Variants in ARPC1B observed in about 807,000 individuals in gnomAD.
ARPC1B encodes the protein actin-related protein 2/3 complex subunit 1B.
ARPC1B carries 29 observed loss-of-function variants against 46.0 expected under a neutral mutation model. The ratio of observed to expected loss-of-function variants is 0.63; its 90% CI spans 0.47 to 0.86. The LOEUF (loss-of-function observed/expected upper bound fraction) is 0.86, where lower values mean the gene tolerates loss of function less well. Among genes scored for constraint, ARPC1B ranks in the 40% least tolerant of loss-of-function variants. The pLI, the probability that ARPC1B is intolerant of heterozygous loss-of-function variation, is 0.00. For missense variants in ARPC1B, 469 were observed against 529.4 expected (o/e 0.89, Z 1.12); for synonymous variants, 201 against 213.9 (o/e 0.94, Z 0.53).
intron 1 of ARPC1B, among the ~76,000 whole-genome samples, chr7:99,385,453 T>C (rs555139456): frequency 2.4e-4 from 36 of 152,142 alleles, no homozygotes; most frequent in African/African-American, 8.4e-4. Flanking sequence ...CCCTGGAGCC[T>C]CAGAGACATC....
At chr7:99,387,829 G>C (rs930601175) in intron 3 of ARPC1B, among the ~76,000 whole-genome samples, 13 of 151,640 alleles carry the variant, frequency 8.6e-5, no homozygotes, top group African/African-American at 3.2e-4. Context: ...GAACCTGGGA[G>C]GCAGAGGCTG....
At chr7:99,392,942 A>T in intron 8 of ARPC1B, 66 bp downstream of exon 8, 2 of 1,451,448 alleles carry the variant, frequency 1.4e-6, no homozygotes, top group Non-Finnish European at 1.8e-6. Context: ...GCGTCGGGTG[A>T]GGAAGGGGCC....
chr7:99,374,989 G>A lies in ARPC1B; in HGVS notation c.-14+208G>A, dbSNP rs1793990006. Among the ~76,000 whole-genome samples, 1 of 151,144 alleles carries A rather than the reference G, an allele frequency of 6.6e-6. No individual in the cohort carries two copies. Among genetic ancestry groups the A allele is most frequent in the Non-Finnish European group, 1.5e-5 (1 of 67,582 alleles). ...GGCACGGGGATGAGTGGGGGCACAT[G>A]GAGAGGAGGGGGCGCGGGGACGAGG... On this transcript the variant is annotated intron_variant, in intron 1 of 9. Transcript: ENST00000646101. This position sits in a 1 kb window ranked among gnomAD's most constrained non-coding sequence, Gnocchi z 5.0.
Position 99,391,088 on chromosome 7 carries a change from C to A in ARPC1B, c.696C>A (p.Asp232Glu), listed in dbSNP as rs771858187. The A allele has an allele frequency of 6.2e-7, 1 of 1,613,504 alleles. No homozygotes were observed. Among genetic ancestry groups the A allele is most frequent in the Non-Finnish European group, 8.5e-7 (1 of 1,179,702 alleles). The part of the protein sequence containing the change: ...HDSTVCLADA[D>E]KKMAVATLAS... Reference sequence around the variant, plus strand: ...GCACCGTCTGCCTGGCTGATGCCGACAAGAAGATGGCGTGAGTCGAGGCCA... The same window carrying A: ...GCACCGTCTGCCTGGCTGATGCCGAAAAGAAGATGGCGTGAGTCGAGGCCA... Residue 232 changes from aspartate to glutamate, a missense_variant, in exon 6 of 10, where the codon GAC becomes GAA. Coordinates refer to ENST00000646101, the MANE Select transcript of ARPC1B (RefSeq NM_005720.4).
chr7:99,392,711 C>A lies in ARPC1B; in HGVS notation c.824C>A (p.Ala275Asp). The A allele has an allele frequency of 6.5e-7, 1 of 1,546,998 alleles. No homozygotes were observed. Among genetic ancestry groups the A allele is most frequent in the Non-Finnish European group, 8.7e-7 (1 of 1,144,734 alleles). ...CCGGTGCTGTTCACCTATGACGCCG[C>A]CGCGGGGATGCTGAGCTTCGGCGGG... ...CFPVLFTYDA[A>D]AGMLSFGGRL... The change falls in exon 8 of 10, where the codon GCC becomes GAC. Residue 275 changes from alanine to aspartate, a missense_variant. Ala to Asp is a moderately radical substitution (Grantham distance 126). Transcript: ENST00000646101.
chr7:99,384,234 GC>G (rs1416987963), intron 1 of ARPC1B: 1 of 152,476 alleles, frequency 6.6e-6, no homozygotes, highest in East Asian at 1.9e-4. Flanking sequence ...ATGAGTCGCT[GC>G]CCTCTGCCAG....
chr7:99,379,470 C>T (rs1173844936), intron 1 of ARPC1B, among the ~76,000 whole-genome samples: 1 of 152,040 alleles, frequency 6.6e-6, no homozygotes, highest in Non-Finnish European at 1.5e-5. Context: ...TGGGGACTTC[C>T]CAGAGCGCCT....
intron 1 of ARPC1B, 95 bp from the exon 2 acceptor site, chr7:99,385,607 G>A (rs1338613130): frequency 5.5e-6 from 6 of 1,093,764 alleles, no homozygotes; most frequent in South Asian, 4.1e-5. Context: ...CCTCCCTGGT[G>A]TGAGGCCTGT....
intron 2 of ARPC1B, chr7:99,386,250 C>CAA (rs397941748): frequency 3.7e-4 from 106 of 286,388 alleles, no homozygotes; most frequent in East Asian, 5.3e-4. Context: ...GACTCTGTCT[C>CAA]AAAAAAAAAA....
chr7:99,387,847 CT>C (rs1368014102), intron 3 of ARPC1B, among the ~76,000 whole-genome samples, 191 bp from the exon 4 acceptor site: 4 of 151,428 alleles, frequency 2.6e-5, no homozygotes, highest in Admixed American at 1.3e-4. Context: ...CTGCAGTGAG[CT>C]GAGATCATGC....
intron 1 of ARPC1B, among the ~76,000 whole-genome samples, chr7:99,380,672 A>G (rs1794188544): frequency 1.3e-5 from 2 of 152,200 alleles, no homozygotes; most frequent in Non-Finnish European, 2.9e-5. Context: ...TGCTGTCTTC[A>G]GCAGAGCCAG....
rs369663851 is a variant in ARPC1B at position 99,378,870 on chromosome 7, G to A, written c.-14+4089G>A. Among the ~76,000 whole-genome samples, 108 of 135,520 alleles carry A rather than the reference G, an allele frequency of 8.0e-4. 2 individuals are homozygous for A. In the South Asian group the frequency reaches 0.017, roughly 21 times the overall value. The allele number at this position is 135,520 out of a possible 152,430, so 88.9% of individuals were successfully genotyped here. A position where few individuals can be genotyped will look rare whatever the true frequency, so the allele number is the denominator to read the frequency against. On this transcript the variant is annotated intron_variant, in intron 1 of 9. Coordinates refer to ENST00000646101, the MANE Select transcript of ARPC1B (RefSeq NM_005720.4). Reference sequence around the variant, plus strand: ...CGGCTCACTGCAAGCTCCGCCTTCCGGGTTCACGCCATTCTCTTGCCTCAG... The same window carrying A: ...CGGCTCACTGCAAGCTCCGCCTTCCAGGTTCACGCCATTCTCTTGCCTCAG...
intron 1 of ARPC1B, among the ~76,000 whole-genome samples, chr7:99,384,323 C>T (rs1274414547): frequency 2.0e-5 from 3 of 152,172 alleles, no homozygotes; most frequent in Admixed American, 6.6e-5. Flanking sequence ...TGTAGTGGCT[C>T]ACACCTGTAA....
rs1273887731 is a variant in ARPC1B, at chr7:99,390,749, GCACAGTAGCGCAAT to G, written c.501-138_501-125del. ...GTCTCACTCTGTTGCCCAAACTGGAGCACAGTAGCGCAATCACAGCTCACTGCAGCCTTGACCTC... is the reference window on the plus strand; with the variant it reads ...GTCTCACTCTGTTGCCCAAACTGGAGCACAGCTCACTGCAGCCTTGACCTC... On this transcript the variant is annotated intron_variant, in intron 5 of 9. Transcript: ENST00000646101. 4 of 662,678 alleles carry G rather than the reference GCACAGTAGCGCAAT, an allele frequency of 6.0e-6. No individual in the cohort carries two copies. The East Asian group carries it at 8.4e-5, about 14-fold the overall frequency. The allele number at this position is 662,678 out of a possible 1,614,324, so 41.0% of individuals were successfully genotyped here.
At chr7:99,392,597 G>C (rs919864539) in intron 7 of ARPC1B, 74 bp from the exon 8 acceptor site, 7 of 1,365,724 alleles carry the variant, frequency 5.1e-6, no homozygotes, top group Non-Finnish European at 6.7e-6. Flanking sequence ...CGGGCGGCCA[G>C]ACGCCCGCCT....
At chr7:99,385,849 T>A in intron 2 of ARPC1B, 71 bp downstream of exon 2, 4 of 1,483,258 alleles carry the variant, frequency 2.7e-6, no homozygotes, top group Middle Eastern at 1.9e-4. Flanking sequence ...AGAGCACACA[T>A]GGGGACTCTG....
At chr7:99,380,987 G>T (rs1360263034) in intron 1 of ARPC1B, among the ~76,000 whole-genome samples, 2 of 151,892 alleles carry the variant, frequency 1.3e-5, no homozygotes, top group African/African-American at 4.8e-5. Flanking sequence ...GGGTGTAGAT[G>T]AGCACCGTGA....
chr7:99,387,494 TTGGGAG>T (rs1305144612), intron 3 of ARPC1B, among the ~76,000 whole-genome samples: 2 of 151,680 alleles, frequency 1.3e-5, no homozygotes, highest in Non-Finnish European at 2.9e-5. Context: ...TCCCAGCACT[TTGGGAG>T]GCGGAGGCGG....
At position 99,385,743 on chromosome 7, in the gene ARPC1B, C is replaced by T; in HGVS notation, c.29C>T (p.Pro10Leu). 6.2e-7 allele frequency: 1 copy of T among 1,611,036 alleles called. No homozygotes were observed. MAYHSFLVE[P>L]ISCHAWNKDR... ...GCCTACCACAGCTTCCTGGTGGAGC[C>T]CATCAGCTGCCACGCCTGGAACAAG... The change falls in exon 2 of 10, where the codon CCC becomes CTC. Residue 10 changes from proline to leucine, a missense_variant. By Grantham distance (98) the Pro-to-Leu change is moderately conservative. Transcript: ENST00000646101.
Sources: allele counts gnomAD v4.1 joint callset (sites outside exome capture counted in the v4.1 genomes callset), GRCh38; gene constraint gnomAD v4.1.1; non-coding constraint Gnocchi (gnomAD v3.1); transcripts MANE v1.5; gene names NCBI Gene and HGNC (gene_info 2026-07-23, HGNC 2026-07-21).